SMARCAD1: variants seen among roughly 807,000 people sequenced by gnomAD.
SMARCAD1 encodes SNF2 related chromatin remodeling ATPase with DExD box 1.
In SMARCAD1, 25 loss-of-function variants were observed where a neutral mutation model predicts 127.1. That is an observed-to-expected ratio of 0.20 (90% CI 0.14 to 0.27). The LOEUF (loss-of-function observed/expected upper bound fraction) is 0.27, where lower values mean the gene tolerates loss of function less well. Among genes scored for constraint, SMARCAD1 ranks in the 10% least tolerant of loss-of-function variants. The pLI, the probability that SMARCAD1 is intolerant of heterozygous loss-of-function variation, is 1.00. For synonymous variants in SMARCAD1, 400 were observed against 396.9 expected (o/e 1.01, Z -0.09); for missense variants, 807 against 1,206.0 (o/e 0.67, Z 4.90).
intron 3 of SMARCAD1, 62 bp from the exon 4 acceptor site, chr4:94,233,892 A>C: frequency 6.6e-7 from 1 of 1,519,156 alleles, no homozygotes; most frequent in South Asian, 1.2e-5. Flanking sequence ...CATAGACACT[A>C]TAATGAAATA....
intron 10 of SMARCAD1, 55 bp from the exon 11 acceptor site, chr4:94,270,673 T>C: frequency 2.0e-6 from 3 of 1,480,836 alleles, no homozygotes; most frequent in South Asian, 1.1e-5. Flanking sequence ...TAATAACTAA[T>C]AGAAAACTGA....
chr4:94,230,295 G>A (rs911609324), intron 3 of SMARCAD1, among the ~76,000 whole-genome samples: 1 of 143,332 alleles, frequency 7.0e-6, no homozygotes, highest in African/African-American at 2.6e-5. Flanking sequence ...TTTTTTTTTT[G>A]TTTCTTACAC....
rs189181141 is a variant in SMARCAD1 at position 94,287,936 on chromosome 4, A to C, written c.3020-1537A>C. ...GGGAGACAGGCGGGAGGATCGTTTG[A>C]GCCCAGGAGTTCAAAACCAGCCTGG... is the stretch of plus-strand genomic sequence containing the variant. On this transcript the variant is annotated intron_variant, in intron 23 of 23. Coordinates refer to ENST00000354268, the MANE Select transcript of SMARCAD1 (RefSeq NM_020159.5). Among the ~76,000 whole-genome samples, 790 of 152,128 alleles carry C rather than the reference A, an allele frequency of 5.2e-3. 5 individuals are homozygous for C. Among genetic ancestry groups the C allele is most frequent in the Admixed American group, 8.0e-3 (122 of 15,284 alleles).
At chr4:94,259,947 T>C (rs1750706003) in intron 9 of SMARCAD1, among the ~76,000 whole-genome samples, 1 of 152,174 alleles carries the variant, frequency 6.6e-6, no homozygotes, top group Non-Finnish European at 1.5e-5. Context: ...TGTTTTATAG[T>C]TTGTTAGTTT....
At chr4:94,288,000 A>T (rs1390319914) in intron 23 of SMARCAD1, among the ~76,000 whole-genome samples, 2 of 151,892 alleles carry the variant, frequency 1.3e-5, no homozygotes, top group African/African-American at 4.8e-5. Flanking sequence ...AAATATATAT[A>T]TATTTTTTTA....
chr4:94,272,379 C>T (rs1241007888), intron 11 of SMARCAD1, among the ~76,000 whole-genome samples: 3 of 152,116 alleles, frequency 2.0e-5, no homozygotes, highest in African/African-American at 7.2e-5. Context: ...TTTTTTAAAC[C>T]AGTATTTTAA....
At chr4:94,272,205 A>G (rs1752633493) in intron 11 of SMARCAD1, among the ~76,000 whole-genome samples, 1 of 152,186 alleles carries the variant, frequency 6.6e-6, no homozygotes, top group African/African-American at 2.4e-5. Context: ...TTATGAACTC[A>G]TTTAGCCTTA....
chr4:94,275,799 T>TTATTTTATTTTA (rs1203656441), intron 14 of SMARCAD1, among the ~76,000 whole-genome samples: 2 of 142,506 alleles, frequency 1.4e-5, no homozygotes, highest in Admixed American at 1.4e-4. Flanking sequence ...ACATTTTCTT[T>TTATTTTATTTTA]TTTTTTTTTT....
At chr4:94,243,390 T>C (rs1747903297) in intron 6 of SMARCAD1, among the ~76,000 whole-genome samples, 1 of 152,200 alleles carries the variant, frequency 6.6e-6, no homozygotes, top group South Asian at 2.1e-4. Flanking sequence ...TTCTCAAGTA[T>C]ACCATTTCTA....
At chr4:94,272,585 G>A (rs1160425660) in intron 11 of SMARCAD1, among the ~76,000 whole-genome samples, 2 of 151,972 alleles carry the variant, frequency 1.3e-5, no homozygotes, top group Non-Finnish European at 2.9e-5. Context: ...TGTAGTATAT[G>A]CAGTATACTC....
At chr4:94,211,551 T>C (rs1271991063) in intron 2 of SMARCAD1, among the ~76,000 whole-genome samples, 1 of 152,220 alleles carries the variant, frequency 6.6e-6, no homozygotes, top group Non-Finnish European at 1.5e-5. Context: ...TACAGTAAAG[T>C]GTCAGGTCAA....
intron 9 of SMARCAD1, 94 bp from the exon 10 acceptor site, chr4:94,264,613 A>G: frequency 9.0e-7 from 1 of 1,107,818 alleles, no homozygotes; most frequent in African/African-American, 1.6e-5. Flanking sequence ...TAAAAGTTTA[A>G]ATTAGCAAAC....
chr4:94,208,088 G>T lies in SMARCAD1; in HGVS notation c.-50+18G>T. On this transcript the variant is annotated intron_variant, in intron 1 of 23. Transcript: ENST00000354268. ...GTGCTTGGGTAAGAGGAGGTTGCAT[G>T]AGGGTCAGCTCGTGGTTTCAGTAAG... The T allele has an allele frequency of 1.9e-6, 1 of 526,236 alleles. No homozygotes were observed. Among genetic ancestry groups the T allele is most frequent in the South Asian group, 1.5e-5 (1 of 65,122 alleles). 32.6% of individuals were successfully genotyped at this position (526,236 alleles called of 1,614,324 possible). A position where few individuals can be genotyped will look rare whatever the true frequency, so the allele number is the denominator to read the frequency against.
At chr4:94,224,680 T>C (rs1381421738) in intron 2 of SMARCAD1, among the ~76,000 whole-genome samples, 1 of 152,192 alleles carries the variant, frequency 6.6e-6, no homozygotes, top group Non-Finnish European at 1.5e-5. Context: ...TATAATTTAG[T>C]GTTACGATTT....
rs758096718 is a variant in SMARCAD1, at chr4:94,284,981, A to C, written c.2931A>C (p.Leu977=). Residue 977 remains leucine, a synonymous_variant, in exon 23 of 24, where the codon CTA becomes CTC. Coordinates refer to ENST00000354268, the MANE Select transcript of SMARCAD1 (RefSeq NM_020159.5). ...TTAGAGAAGTACTAGTTATAAAACT[A>C]ATAAGCCAAGGGACGATTGAAGAAT... ...GQTKEVLVIK[L]ISQGTIEESM... is the part of the protein sequence containing the mutation. 6 of 1,611,546 alleles carry C rather than the reference A, an allele frequency of 3.7e-6. No individual in the cohort carries two copies. Among genetic ancestry groups the C allele is most frequent in the Non-Finnish European group, 4.2e-6 (5 of 1,177,920 alleles).
intron 2 of SMARCAD1, among the ~76,000 whole-genome samples, chr4:94,212,168 A>T (rs1478626866): frequency 3.3e-5 from 5 of 152,044 alleles, no homozygotes; most frequent in East Asian, 1.9e-4. Flanking sequence ...TACATTTTTT[A>T]AAATTTATTT....
At chr4:94,238,635 AAG>A (rs979287464) in intron 5 of SMARCAD1, among the ~76,000 whole-genome samples, 13 of 152,298 alleles carry the variant, frequency 8.5e-5, no homozygotes, top group Admixed American at 5.2e-4. Context: ...GAAAGAAAGA[AAG>A]AAAAAACCTC....
chr4:94,253,014 C>T lies in SMARCAD1; in HGVS notation c.1281+7C>T. On this transcript the variant is annotated splice_region_variant and intron_variant, in intron 9 of 23. Transcript: ENST00000354268. ...TAATAGTTGGGAGGCTCTGGTAAGGCTTTATTCTTTTTTTCCCCTTGTATG... is the reference window on the plus strand; with the variant it reads ...TAATAGTTGGGAGGCTCTGGTAAGGTTTTATTCTTTTTTTCCCCTTGTATG... The T allele has an allele frequency of 2.5e-6, 4 of 1,610,188 alleles. No homozygotes were observed. Among genetic ancestry groups the T allele is most frequent in the Non-Finnish European group, 1.7e-6 (2 of 1,179,964 alleles).
chr4:94,284,227 TGA>T (rs1219112193), intron 22 of SMARCAD1, among the ~76,000 whole-genome samples: 2 of 139,758 alleles, frequency 1.4e-5, no homozygotes, highest in African/African-American at 5.5e-5. Flanking sequence ...CTCGGGAAGC[TGA>T]GGCAGGAGAA....
Sources: allele counts gnomAD v4.1 joint callset (sites outside exome capture counted in the v4.1 genomes callset), GRCh38; gene constraint gnomAD v4.1.1; transcripts MANE v1.5; gene names NCBI Gene and HGNC (gene_info 2026-07-23, HGNC 2026-07-21).